NFU1: variants seen among roughly 807,000 people sequenced by gnomAD.
The protein encoded by NFU1 is NFU1 iron-sulfur cluster scaffold homolog, mitochondrial.
Under a neutral mutation model 32.2 loss-of-function variants are expected in NFU1, and 30 were observed. The observed-to-expected ratio is 0.93, with a 90% CI of 0.70 to 1.26. The LOEUF is 1.26. Ranked by LOEUF, NFU1 falls within the 50% of genes most tolerant of loss-of-function variation. NFU1 has a pLI of 0.00. For missense variants in NFU1, 306 were observed against 306.6 expected, an observed-to-expected ratio of 1.00 and a Z score of 0.02; for synonymous variants, 112 against 104.6, an observed-to-expected ratio of 1.07 and a Z score of -0.43.
chr2:69,414,781 GCGGTTTCTTTTTTTTA>G (rs1300698601), intron 5 of NFU1, among the ~76,000 whole-genome samples: 1 of 152,020 alleles, frequency 6.6e-6, no homozygotes, highest in Non-Finnish European at 1.5e-5. Flanking sequence ...AGTGGTTTTA[GCGGTTTCTTTTTTTTA>G]CTTTATGCTC....
chr2:69,415,187 G>A lies in NFU1; in HGVS notation c.482C>T (p.Ala161Val). 1 of 1,563,102 alleles carries A rather than the reference G, an allele frequency of 6.4e-7. No homozygotes were observed. The highest frequency in any genetic ancestry group is 8.8e-7 in the Non-Finnish European group (1 of 1,133,628). ...AATTACTCAATACAACATGTTACCT[G>A]CTTCTCCTGAAGGTGTTTCCTCAGT... ...LVTEETPSGE[A>V]GSEEDDEVVA... is the part of the protein sequence containing the mutation. Residue 161 changes from alanine to valine, a missense_variant and splice_region_variant, in exon 5 of 8, where the codon GCA (alanine) becomes GTA (valine). Transcript: ENST00000410022.
At chr2:69,436,480 G>C (rs1189628445) in intron 1 of NFU1, among the ~76,000 whole-genome samples, 1 of 152,202 alleles carries the variant, frequency 6.6e-6, no homozygotes, top group African/African-American at 2.4e-5. Flanking sequence ...AATGAATAAA[G>C]AGGAAGCACA....
intron 6 of NFU1, among the ~76,000 whole-genome samples, chr2:69,403,559 A>C (rs1289261162): frequency 6.6e-6 from 1 of 151,460 alleles, no homozygotes; most frequent in Non-Finnish European, 1.5e-5. Context: ...TAATTTTTTA[A>C]TTTTTTGTAG....
At position 69,434,784 on chromosome 2, in the gene NFU1, T is replaced by C. The variant is rs530887435; in HGVS notation, c.62+2577A>G. 1.9e-4 allele frequency among the ~76,000 whole-genome samples: 29 copies of C among 152,298 alleles called. 1 individual carries two copies. In the South Asian group the frequency reaches 5.2e-3, roughly 27 times the overall value. On this transcript the variant is annotated intron_variant, in intron 1 of 7. Transcript: ENST00000410022. The stretch of plus-strand genomic sequence containing the variant: ...TTTGCAATAAAGAGTTTAATTCACA[T>C]GGAGCCAGCTGAAAGGGAGAGTGGA...
chr2:69,421,870 T>C (rs1208199107), intron 3 of NFU1, among the ~76,000 whole-genome samples: 1 of 151,994 alleles, frequency 6.6e-6, no homozygotes, highest in African/African-American at 2.4e-5. Context: ...CCCTGTTCTT[T>C]ATCATCTCTA....
chr2:69,415,382 T>A, intron 4 of NFU1, 83 bp from the exon 5 acceptor site: 1 of 266,680 alleles, frequency 3.7e-6, no homozygotes, highest in Non-Finnish European at 6.5e-6. Flanking sequence ...CTCTTTTTTC[T>A]TTTTTTTTTT....
chr2:69,418,464 T>G (rs1673130933), intron 4 of NFU1, among the ~76,000 whole-genome samples: 1 of 152,084 alleles, frequency 6.6e-6, no homozygotes, highest in Admixed American at 6.6e-5. Context: ...TAACCCAGTA[T>G]GTCCCCTTTT....
At chr2:69,437,508 T>A (rs1673894145), upstream of NFU1, 3 of 1,510,916 alleles carry the variant, frequency 2.0e-6, no homozygotes, top group East Asian at 4.8e-5. Flanking sequence ...GGGCGGGCAC[T>A]GGGAAGAGCC....
chr2:69,427,037 G>A (rs935755716), intron 2 of NFU1, among the ~76,000 whole-genome samples: 3 of 148,078 alleles, frequency 2.0e-5, no homozygotes, highest in Non-Finnish European at 4.5e-5. Context: ...TCCAGCCTGG[G>A]CAATAGAGAG....
chr2:69,412,916 T>C (rs1672933997), intron 5 of NFU1, among the ~76,000 whole-genome samples: 1 of 143,272 alleles, frequency 7.0e-6, no homozygotes, highest in Non-Finnish European at 1.5e-5. Context: ...AAGATATAAA[T>C]AGAAAATTCA....
At chr2:69,403,843 C>CT (rs202018311) in intron 6 of NFU1, among the ~76,000 whole-genome samples, 3,594 of 144,778 alleles carry the variant, frequency 0.025, 148 homozygotes, top group East Asian at 0.19. Flanking sequence ...TCCAGGGTTA[C>CT]TTTTTTTTTT....
intron 7 of NFU1, 63 bp downstream of exon 7, chr2:69,400,301 T>G: frequency 7.0e-7 from 1 of 1,423,330 alleles, no homozygotes; most frequent in Non-Finnish European, 9.9e-7. Flanking sequence ...TTTCCAGCCT[T>G]TGTATCTACA....
At chr2:69,437,297 G>C in intron 1 of NFU1, 64 bp downstream of exon 1, 6 of 1,555,210 alleles carry the variant, frequency 3.9e-6, no homozygotes, top group Non-Finnish European at 5.2e-6. Flanking sequence ...TCTGCAAGGC[G>C]GCGACCGCTC....
At chr2:69,417,545 G>A (rs889943977) in intron 4 of NFU1, among the ~76,000 whole-genome samples, 4 of 151,868 alleles carry the variant, frequency 2.6e-5, no homozygotes, top group East Asian at 1.9e-4. Context: ...CCAGCTACTC[G>A]GGAAGCTGAG....
chr2:69,431,530 C>T (rs1266825282), intron 2 of NFU1, among the ~76,000 whole-genome samples: 1 of 152,160 alleles, frequency 6.6e-6, no homozygotes, highest in South Asian at 2.1e-4. Flanking sequence ...TGGTCTCAAA[C>T]TCCTGGGCTC....
At chr2:69,429,961 G>A (rs759078896) in intron 2 of NFU1, 40 of 309,430 alleles carry the variant, frequency 1.3e-4, no homozygotes, top group Middle Eastern at 1.6e-3. Context: ...CCCAGGAGGC[G>A]GAGGTTACAG....
At chr2:69,405,414 A>G (rs2104748068) in intron 6 of NFU1, among the ~76,000 whole-genome samples, 1 of 152,328 alleles carries the variant, frequency 6.6e-6, no homozygotes, top group African/African-American at 2.4e-5. Flanking sequence ...CCCTCTGCCC[A>G]GCTTCTTCTA....
chr2:69,409,272 T>C (rs1412886387), intron 5 of NFU1, among the ~76,000 whole-genome samples: 1 of 152,236 alleles, frequency 6.6e-6, no homozygotes, highest in Non-Finnish European at 1.5e-5. Flanking sequence ...GATACATTTA[T>C]AAATGTACAT....
In NFU1 at chr2:69,430,662, T is replaced by G. The variant is rs146231953; in HGVS notation, c.166+1240A>C. ...TGAAAAGCCTATATGACCACATATTTCAGTCCTACAAAGTTTAAAAGTCCA... is the reference window on the plus strand; with the variant it reads ...TGAAAAGCCTATATGACCACATATTGCAGTCCTACAAAGTTTAAAAGTCCA... On this transcript the variant is annotated intron_variant, in intron 2 of 7. Transcript: ENST00000410022. 8.5e-4 allele frequency among the ~76,000 whole-genome samples: 130 copies of G among 152,362 alleles called. 2 individuals are homozygous for G. Among genetic ancestry groups the G allele is most frequent in the African/African-American group, 3.0e-3 (125 of 41,586 alleles).
Sources: allele counts gnomAD v4.1 joint callset (sites outside exome capture counted in the v4.1 genomes callset), GRCh38; gene constraint gnomAD v4.1.1; transcripts MANE v1.5; gene names NCBI Gene and HGNC (gene_info 2026-07-23, HGNC 2026-07-21).